Variants in WDTC1 observed in about 807,000 individuals in gnomAD.
The protein encoded by WDTC1 is WD and tetratricopeptide repeats 1, also known as WD and tetratricopeptide repeats protein 1.
Under a neutral mutation model 76.0 loss-of-function variants are expected in WDTC1, and 12 were observed. That is an observed-to-expected ratio of 0.16 (90% CI 0.10 to 0.26). The LOEUF is 0.26. Among genes scored for constraint, WDTC1 ranks in the 10% least tolerant of loss-of-function variants. The pLI is 1.00. For synonymous variants in WDTC1, 326 were observed against 350.8 expected (o/e 0.93, Z 0.79); for missense variants, 511 against 908.8 (o/e 0.56, Z 5.63).
rs1325063380 is a variant in WDTC1, at chr1:27,297,933, T to C, written c.1059-5T>C. The C allele has an allele frequency of 2.5e-6, 4 of 1,606,558 alleles. No individual in the cohort carries two copies. On this transcript the variant is annotated splice_polypyrimidine_tract_variant and splice_region_variant and intron_variant, in intron 11 of 15. Transcript: ENST00000319394. ...TGTTCTGACTTGGCTCTATTTCCCC[T>C]GCAGCCCCCAAGTAGAGCTACCACC...
chr1:27,295,312 G>A (rs772106954), intron 9 of WDTC1, among the ~76,000 whole-genome samples: 3 of 152,104 alleles, frequency 2.0e-5, no homozygotes, highest in African/African-American at 4.8e-5. Flanking sequence ...CAAATGAAGC[G>A]GGATGCAGAA....
intron 3 of WDTC1, among the ~76,000 whole-genome samples, chr1:27,275,274 T>C (rs1244204829): frequency 1.3e-5 from 2 of 152,214 alleles, no homozygotes; most frequent in African/African-American, 2.4e-5. Context: ...CCTTTGTGAA[T>C]AGCTTTGGTA....
At chr1:27,247,631 A>G (rs2011887176) in intron 1 of WDTC1, among the ~76,000 whole-genome samples, 2 of 151,578 alleles carry the variant, frequency 1.3e-5, no homozygotes, top group South Asian at 4.2e-4. Context: ...CTCCGGCTCC[A>G]TTCATGTTCC....
intron 1 of WDTC1, among the ~76,000 whole-genome samples, chr1:27,253,428 C>CCCTCCTCCTCCTT (rs1419836550): frequency 8.6e-6 from 1 of 116,740 alleles, no homozygotes; most frequent in Non-Finnish European, 1.7e-5. Context: ...CCTCCCTCCT[C>CCCTCCTCCTCCTT]CCTCCTCCTC....
intron 1 of WDTC1, among the ~76,000 whole-genome samples, chr1:27,260,173 C>T (rs1414398602): frequency 2.0e-5 from 3 of 152,088 alleles, no homozygotes; most frequent in Non-Finnish European, 4.4e-5. Flanking sequence ...GGCGCAATCT[C>T]GGCTCACTGC....
chr1:27,250,162 C>G (rs1178661674), intron 1 of WDTC1, among the ~76,000 whole-genome samples: 1 of 152,104 alleles, frequency 6.6e-6, no homozygotes, highest in African/African-American at 2.4e-5. Context: ...CTACTACAAT[C>G]TAGATACGAT....
chr1:27,278,372 C>T (rs180764093), intron 3 of WDTC1, among the ~76,000 whole-genome samples: 11 of 152,216 alleles, frequency 7.2e-5, no homozygotes, highest in African/African-American at 2.4e-4. Context: ...TAAACTCATG[C>T]TTTGAAGTAC....
rs1298951918 is a variant in WDTC1, at chr1:27,307,055, C to T, written c.*672C>T. The T allele has an allele frequency of 6.5e-6, 1 of 153,668 alleles. No homozygotes were observed. Among genetic ancestry groups the T allele is most frequent in the Non-Finnish European group, 1.4e-5 (1 of 69,012 alleles). The allele number at this position is 153,668 out of a possible 1,614,324, so 9.5% of individuals were successfully genotyped here. On this transcript the variant is annotated 3_prime_UTR_variant, in exon 16 of 16. Transcript: ENST00000319394. This position sits in a 1 kb window ranked among gnomAD's most constrained non-coding sequence, Gnocchi z 4.1. ...CACTGGCCACCTCTGGAGGCTCTGC[C>T]TTTCCCAAGGGCCCTGGCAGAGGGT... is the stretch of plus-strand genomic sequence containing the variant.
chr1:27,253,358 T>TTTC (rs1213671215), intron 1 of WDTC1, among the ~76,000 whole-genome samples: 6 of 148,980 alleles, frequency 4.0e-5, no homozygotes, highest in African/African-American at 9.9e-5. Flanking sequence ...TTCTTTCTTC[T>TTTC]TTCTTCTTCT....
intron 1 of WDTC1, among the ~76,000 whole-genome samples, chr1:27,246,979 A>C (rs913265626): frequency 1.3e-5 from 2 of 148,206 alleles, no homozygotes; most frequent in Admixed American, 1.4e-4. Flanking sequence ...TAATCCTCCT[A>C]CCTCGGACTC....
intron 3 of WDTC1, among the ~76,000 whole-genome samples, chr1:27,272,437 A>C (rs1043243261): frequency 6.6e-6 from 1 of 152,202 alleles, no homozygotes; most frequent in Non-Finnish European, 1.5e-5. Flanking sequence ...CAGTGTAAAG[A>C]TAAAATGAAC....
rs1186520525 is a variant in WDTC1, at chr1:27,306,180, CCA to C, written c.1837-3_1837-2del. 2.5e-6 allele frequency: 4 copies of C among 1,613,960 alleles called. No homozygotes were observed. In the African/African-American group the frequency reaches 4.0e-5, roughly 16 times the overall value. ...CCCACGTGTGTCACCCCTTTCTCCACCACAGAGTGAAGACCTCACAGGCCGAG... is the reference window on the plus strand; with the variant it reads ...CCCACGTGTGTCACCCCTTTCTCCACCAGAGTGAAGACCTCACAGGCCGAG... On this transcript the variant is annotated splice_region_variant and splice_polypyrimidine_tract_variant and intron_variant, in intron 15 of 15. Transcript: ENST00000319394. This position sits in a 1 kb window ranked among gnomAD's most constrained non-coding sequence, Gnocchi z 5.0.
intron 3 of WDTC1, among the ~76,000 whole-genome samples, chr1:27,280,005 G>A (rs2013144569): frequency 1.3e-5 from 2 of 152,196 alleles, no homozygotes; most frequent in African/African-American, 4.8e-5. Flanking sequence ...AACCCTATGA[G>A]GCTATCTACA....
Position 27,283,327 on chromosome 1 carries a change from T to A in WDTC1, c.180-11T>A. On this transcript the variant is annotated splice_polypyrimidine_tract_variant and intron_variant, in intron 4 of 15. Coordinates refer to ENST00000319394, the MANE Select transcript of WDTC1 (RefSeq NM_001276252.2). ...TTGAGGAGAGATCACAATCCCTCACTCTGCTTTCAGCTTGCTGGCCTCTGG... is the reference window on the plus strand; with the variant it reads ...TTGAGGAGAGATCACAATCCCTCACACTGCTTTCAGCTTGCTGGCCTCTGG... 2 of 1,613,286 alleles carry A rather than the reference T, an allele frequency of 1.2e-6. No individual in the cohort carries two copies. Among genetic ancestry groups the A allele is most frequent in the Non-Finnish European group, 1.7e-6 (2 of 1,179,770 alleles).
chr1:27,295,422 ACTT>A (rs1248701395), intron 9 of WDTC1, among the ~76,000 whole-genome samples: 1 of 151,428 alleles, frequency 6.6e-6, no homozygotes, highest in African/African-American at 2.4e-5. Context: ...ACCTTTGAGG[ACTT>A]CTTCATCTTT....
At chr1:27,236,811 A>G (rs2011499061) in intron 1 of WDTC1, among the ~76,000 whole-genome samples, 1 of 151,716 alleles carries the variant, frequency 6.6e-6, no homozygotes, top group South Asian at 2.1e-4. Context: ...AATTATTTTT[A>G]TTTTTTTCTC....
chr1:27,235,672 A>G (rs1314576219), intron 1 of WDTC1, among the ~76,000 whole-genome samples: 2 of 151,886 alleles, frequency 1.3e-5, no homozygotes, highest in African/African-American at 4.8e-5. Context: ...AGATTGGTTG[A>G]CTTTGCTTGG....
intron 1 of WDTC1, among the ~76,000 whole-genome samples, chr1:27,240,751 C>T (rs899051440): frequency 7.9e-5 from 12 of 151,924 alleles, no homozygotes; most frequent in South Asian, 2.1e-4. Context: ...CTGAGGTGGG[C>T]GGATCACAAG....
intron 1 of WDTC1, among the ~76,000 whole-genome samples, chr1:27,238,780 G>T (rs1230623020): frequency 1.3e-5 from 2 of 152,110 alleles, no homozygotes; most frequent in Admixed American, 6.6e-5. Context: ...GACCAGACTG[G>T]TCTTGAACTC....
Sources: allele counts gnomAD v4.1 joint callset (sites outside exome capture counted in the v4.1 genomes callset), GRCh38; gene constraint gnomAD v4.1.1; non-coding constraint Gnocchi (gnomAD v3.1); transcripts MANE v1.5; gene names NCBI Gene and HGNC (gene_info 2026-07-23, HGNC 2026-07-21).